The following RHOT1 variants were observed in gnomAD, a reference collection of about 807,000 sequenced individuals.
The protein encoded by RHOT1 is ras homolog family member T1, also known as mitochondrial Rho GTPase 1.
In RHOT1, 27 loss-of-function variants were observed where a neutral mutation model predicts 95.3. The ratio of observed to expected loss-of-function variants is 0.28; its 90% CI spans 0.21 to 0.39. The LOEUF (loss-of-function observed/expected upper bound fraction) is 0.39. Ranked by LOEUF, RHOT1 falls within the 10% of genes least tolerant of loss-of-function variation. RHOT1 has a pLI of 1.00. For missense variants in RHOT1, 578 were observed against 786.7 expected (o/e 0.73, Z 3.17); for synonymous variants, 227 against 263.5 (o/e 0.86, Z 1.34).
At chr17:32,160,710 C>G (rs1413560588) in intron 1 of RHOT1, among the ~76,000 whole-genome samples, 1 of 152,206 alleles carries the variant, frequency 6.6e-6, no homozygotes, top group Non-Finnish European at 1.5e-5. Context: ...GGTGCCCAAG[C>G]TGGCATCTGG....
At chr17:32,169,807 A>G (rs1210941220) in intron 1 of RHOT1, among the ~76,000 whole-genome samples, 7 of 151,994 alleles carry the variant, frequency 4.6e-5, no homozygotes, top group African/African-American at 1.5e-4. Context: ...GGAGTTTGAG[A>G]CCATCCTGGG....
chr17:32,165,615 G>A (rs1036570919), intron 1 of RHOT1, among the ~76,000 whole-genome samples: 1 of 151,998 alleles, frequency 6.6e-6, no homozygotes. Flanking sequence ...TTCATCCAGT[G>A]GTTTTTTCTA....
In RHOT1 at chr17:32,199,100, T is replaced by C. The variant is rs73979005; in HGVS notation, c.954+69T>C. 282 of 1,209,954 alleles carry C rather than the reference T, an allele frequency of 2.3e-4. No individual in the cohort carries two copies. The African/African-American group carries it at 3.9e-3, about 17-fold the overall frequency. The allele number at this position is 1,209,954 out of a possible 1,614,324, so 75.0% of individuals were successfully genotyped here. A position where few individuals can be genotyped will look rare whatever the true frequency, so the allele number is the denominator to read the frequency against. On this transcript the variant is annotated intron_variant, in intron 12 of 19. Coordinates refer to ENST00000545287, the MANE Select transcript of RHOT1 (RefSeq NM_001033566.3). ...TTTTCTATGGATGATATAACTCTGTTCCCTGAGCTATGGGATGTGTATGTT... is the reference window on the plus strand; with the variant it reads ...TTTTCTATGGATGATATAACTCTGTCCCCTGAGCTATGGGATGTGTATGTT...
intron 1 of RHOT1, among the ~76,000 whole-genome samples, chr17:32,164,901 A>G (rs1253808550): frequency 2.0e-5 from 3 of 151,402 alleles, no homozygotes; most frequent in Non-Finnish European, 2.9e-5. Flanking sequence ...GCTCACACCT[A>G]TAATCCCAGC....
chr17:32,146,697 A>G (rs2031394026), intron 1 of RHOT1, among the ~76,000 whole-genome samples: 1 of 145,694 alleles, frequency 6.9e-6, no homozygotes, highest in Non-Finnish European at 1.5e-5. Context: ...TGACTTCATG[A>G]TCTGCCTTCC....
Position 32,206,192 on chromosome 17 carries a change from C to CTTTTTTTTTTTTTTT in RHOT1, c.1417-702_1417-688dup, listed in dbSNP as rs71144812. Reference sequence around the variant, plus strand: ...TCACTAATACTAGCTTCCATAGAATCTTTTTTTTTTTTTTTTTTTTTTTTT... The same window carrying CTTTTTTTTTTTTTTT: ...TCACTAATACTAGCTTCCATAGAATCTTTTTTTTTTTTTTTTTTTTTTTTTTTTTTTTTTTTTTTT... On this transcript the variant is annotated intron_variant, in intron 16 of 19. Transcript: ENST00000545287. Among the ~76,000 whole-genome samples, 2 of 60,528 alleles carry CTTTTTTTTTTTTTTT rather than the reference C, an allele frequency of 3.3e-5. 1 individual carries two copies. The highest frequency in any genetic ancestry group is 1.5e-4 in the African/African-American group (2 of 13,000). 39.7% of individuals were successfully genotyped at this position (60,528 alleles called of 152,430 possible).
chr17:32,143,182 G>A (rs114241856), intron 1 of RHOT1: 6 of 474,572 alleles, frequency 1.3e-5, no homozygotes, highest in Non-Finnish European at 2.2e-5. Context: ...TGACCAATAG[G>A]GATTGCGTGA....
At chr17:32,174,470 A>G (rs561968598) in intron 3 of RHOT1, among the ~76,000 whole-genome samples, 5 of 152,326 alleles carry the variant, frequency 3.3e-5, no homozygotes, top group South Asian at 4.1e-4. Flanking sequence ...CAGTCTCATA[A>G]CTAGATTTAT....
chr17:32,150,514 A>G (rs2032154918), intron 1 of RHOT1: 1 of 1,393,230 alleles, frequency 7.2e-7, no homozygotes, highest in Admixed American at 1.8e-5. Context: ...GCCTTGCCTT[A>G]TCATACTGGG....
Position 32,145,313 on chromosome 17 carries a change from A to T in RHOT1, c.37+2584A>T, listed in dbSNP as rs538403398. Among the ~76,000 whole-genome samples, 95 of 152,202 alleles carry T rather than the reference A, an allele frequency of 6.2e-4. 1 individual carries two copies. The highest frequency in any genetic ancestry group is 1.2e-3 in the Non-Finnish European group (79 of 68,002). Reference sequence around the variant, plus strand: ...AGACTCTGTCTCAAAAAATATATATATATATTGATAATAGTAAACAGGATA... The same window carrying T: ...AGACTCTGTCTCAAAAAATATATATTTATATTGATAATAGTAAACAGGATA... On this transcript the variant is annotated intron_variant, in intron 1 of 19. Coordinates refer to ENST00000545287, the MANE Select transcript of RHOT1 (RefSeq NM_001033566.3).
intron 18 of RHOT1, chr17:32,209,162 G>C: frequency 2.9e-6 from 1 of 350,618 alleles, no homozygotes; most frequent in Non-Finnish European, 5.2e-6. Flanking sequence ...AAAAGGTGTT[G>C]ATTTGTACAG....
Position 32,142,708 on chromosome 17 carries a change from C to G in RHOT1, c.16C>G (p.Arg6Gly). The change falls in exon 1 of 20, where the codon CGG becomes GGG. Residue 6 changes from arginine (R) to glycine (G), a missense_variant. By Grantham distance (125) the Arg-to-Gly change is moderately radical. Coordinates refer to ENST00000545287, the MANE Select transcript of RHOT1 (RefSeq NM_001033566.3). ...AGCCGCCGACATGAAGAAAGACGTG[C>G]GGATCCTGCTGGTGGGAGAACGTGA... MKKDV[R>G]ILLVGEPRVG... 6.5e-7 allele frequency: 1 copy of G among 1,529,728 alleles called. No homozygotes were observed. Among genetic ancestry groups the G allele is most frequent in the Non-Finnish European group, 8.8e-7 (1 of 1,139,178 alleles). 94.8% of individuals were successfully genotyped at this position (1,529,728 alleles called of 1,614,324 possible).
intron 1 of RHOT1, among the ~76,000 whole-genome samples, chr17:32,153,608 A>G (rs751438661): frequency 6.6e-6 from 1 of 152,228 alleles, no homozygotes. Context: ...GCAGTGAGCT[A>G]TGATCATGCC....
chr17:32,163,351 C>T (rs1029728883), intron 1 of RHOT1, among the ~76,000 whole-genome samples: 2 of 152,154 alleles, frequency 1.3e-5, no homozygotes, highest in Admixed American at 1.3e-4. Context: ...GAAAATTTGA[C>T]AGATCTTGAC....
chr17:32,170,851 G>T (rs528862659), intron 1 of RHOT1, among the ~76,000 whole-genome samples, 192 bp from the exon 2 acceptor site: 10 of 152,180 alleles, frequency 6.6e-5, no homozygotes, highest in African/African-American at 2.4e-4. Context: ...ATATATTTTG[G>T]CAAGTTTTTA....
chr17:32,193,258 A>ATT lies in RHOT1; in HGVS notation c.748+18_748+19dup. 6.6e-7 allele frequency: 1 copy of ATT among 1,521,694 alleles called. No individual in the cohort carries two copies. The highest frequency in any genetic ancestry group is 9.1e-7 in the Non-Finnish European group (1 of 1,097,616). 94.3% of individuals were successfully genotyped at this position (1,521,694 alleles called of 1,614,324 possible). ...TGACCCTGAAAGGTGGGTAAATGGT[A>ATT]TTTTTCCCCCTTTTGAAACTTAATA... On this transcript the variant is annotated intron_variant, in intron 10 of 19. Transcript: ENST00000545287.
intron 8 of RHOT1, among the ~76,000 whole-genome samples, chr17:32,188,763 A>G (rs1160425359): frequency 6.6e-6 from 1 of 152,236 alleles, no homozygotes; most frequent in Non-Finnish European, 1.5e-5. Context: ...AAGTACCTAC[A>G]TGACATGCTT....
chr17:32,175,885 T>C, intron 4 of RHOT1, 77 bp from the exon 5 acceptor site: 1 of 967,268 alleles, frequency 1.0e-6, no homozygotes, highest in Non-Finnish European at 1.5e-6. Flanking sequence ...CCCGAATATA[T>C]TAATAAGTTG....
intron 6 of RHOT1, among the ~76,000 whole-genome samples, chr17:32,181,005 T>G (rs1250125799): frequency 6.6e-6 from 1 of 152,170 alleles, no homozygotes; most frequent in Non-Finnish European, 1.5e-5. Context: ...AACCACTACA[T>G]TTTTGGAAAC....
Sources: gnomAD v4.1 joint callset for allele counts (sites outside exome capture counted in the v4.1 genomes callset) on GRCh38, gnomAD v4.1.1 for gene constraint, MANE v1.5 for transcripts, NCBI Gene and HGNC (gene_info 2026-07-23, HGNC 2026-07-21) for gene names.